Variants in AGBL4 observed in about 807,000 individuals in gnomAD.
AGBL4 encodes cytosolic carboxypeptidase 6.
A neutral mutation model predicts 66.4 loss-of-function variants in AGBL4; 58 were observed. The ratio of observed to expected loss-of-function variants is 0.87; its 90% CI spans 0.71 to 1.09. AGBL4 has a LOEUF of 1.09. AGBL4 is among the 50% of genes least tolerant of loss of function. The pLI, the probability that AGBL4 is intolerant of heterozygous loss-of-function variation, is 0.00. For missense variants in AGBL4, 579 were observed against 631.0 expected (o/e 0.92, Z 0.88); for synonymous variants, 234 against 222.9 (o/e 1.05, Z -0.44).
At chr1:48,582,221 C>A (rs762577925) in intron 11 of AGBL4, among the ~76,000 whole-genome samples, 3 of 150,936 alleles carry the variant, frequency 2.0e-5, no homozygotes, top group Non-Finnish European at 3.0e-5. Flanking sequence ...CTCTTATGTT[C>A]ATGGAATCAC....
intron 4 of AGBL4, among the ~76,000 whole-genome samples, chr1:49,230,043 G>C (rs1650192960): frequency 6.6e-6 from 1 of 152,310 alleles, no homozygotes; most frequent in Middle Eastern, 3.4e-3. Flanking sequence ...ACTGATACCA[G>C]GTAGAGCCTG....
In AGBL4 at chr1:49,295,237, C is replaced by T. The variant is rs534805291; in HGVS notation, c.283-49373G>A. ...TATAACAAAAAATGCTATGTACCCC[C>T]ACTCTCCAGGACCTCACAGTAGGTT... On this transcript the variant is annotated intron_variant, in intron 3 of 13. Transcript: ENST00000371839. 7.4e-4 allele frequency among the ~76,000 whole-genome samples: 113 copies of T among 152,262 alleles called. 3 individuals carry two copies. The South Asian group carries it at 0.023, about 31-fold the overall frequency.
chr1:49,482,794 A>G (rs1646984066), intron 3 of AGBL4, among the ~76,000 whole-genome samples: 1 of 152,016 alleles, frequency 6.6e-6, no homozygotes, highest in South Asian at 2.1e-4. Context: ...TGCCTGAGCT[A>G]TGTCCCAGAG....
intron 1 of AGBL4, among the ~76,000 whole-genome samples, chr1:49,935,718 G>A (rs769221884): frequency 6.6e-6 from 1 of 152,186 alleles, no homozygotes; most frequent in African/African-American, 2.4e-5. Flanking sequence ...CTGATACCCA[G>A]GCAAACAGGG....
chr1:49,525,597 A>G (rs1056820622), intron 3 of AGBL4, among the ~76,000 whole-genome samples: 14 of 152,080 alleles, frequency 9.2e-5, no homozygotes, highest in Non-Finnish European at 1.5e-5. Context: ...GGCAACAGGA[A>G]GGAAGCACAG....
chr1:50,011,238 AT>A, intron 1 of AGBL4, among the ~76,000 whole-genome samples: 1 of 152,332 alleles, frequency 6.6e-6, no homozygotes, highest in African/African-American at 2.4e-5. Context: ...TTGAATAGAT[AT>A]TTTTTAAAAG....
intron 2 of AGBL4, among the ~76,000 whole-genome samples, chr1:49,717,154 T>C (rs1288432472): frequency 6.6e-6 from 1 of 152,008 alleles, no homozygotes; most frequent in Non-Finnish European, 1.5e-5. Context: ...GAGAGCTAAA[T>C]CATGAGTTAA....
intron 6 of AGBL4, among the ~76,000 whole-genome samples, chr1:48,827,553 T>C (rs1320574272): frequency 1.3e-5 from 2 of 152,218 alleles, no homozygotes; most frequent in African/African-American, 4.8e-5. Flanking sequence ...TCAGATTGTC[T>C]GGCTCCATGT....
chr1:49,193,359 A>C (rs1647159704), intron 4 of AGBL4, among the ~76,000 whole-genome samples: 1 of 151,508 alleles, frequency 6.6e-6, no homozygotes, highest in Non-Finnish European at 1.5e-5. Context: ...TCTTATCACC[A>C]CTTTTGCTGT....
At position 48,776,907 on chromosome 1, in the gene AGBL4, G is replaced by A. The variant is rs1570645537; in HGVS notation, c.634+90284C>T. 9.7e-6 allele frequency: 9 copies of A among 926,436 alleles called. No individual in the cohort carries two copies. The East Asian group carries it at 3.0e-4, about 31-fold the overall frequency. The allele number at this position is 926,436 out of a possible 1,614,324, so 57.4% of individuals were successfully genotyped here. A position where few individuals can be genotyped will look rare whatever the true frequency, so the allele number is the denominator to read the frequency against. On this transcript the variant is annotated intron_variant, in intron 6 of 13. Transcript: ENST00000371839. ...GCGCGGAGGTGGGGATCCGGCGGGG[G>A]GCGCGAGTCTCGCTACGGTGCTGGG...
At chr1:49,892,237 T>C (rs746105550) in intron 1 of AGBL4, among the ~76,000 whole-genome samples, 27 of 152,224 alleles carry the variant, frequency 1.8e-4, no homozygotes, top group Admixed American at 7.9e-4. Context: ...ATTATCAATT[T>C]ATAAAATTGT....
At chr1:49,615,054 C>T (rs1052665618) in intron 3 of AGBL4, among the ~76,000 whole-genome samples, 1 of 152,100 alleles carries the variant, frequency 6.6e-6, no homozygotes, top group Non-Finnish European at 1.5e-5. Flanking sequence ...AGAGAAGCCA[C>T]CCAACACATC....
Position 48,736,339 on chromosome 1 carries a change from A to T in AGBL4, c.635-73098T>A. The T allele has an allele frequency of 5.0e-6, 8 of 1,614,026 alleles. No individual in the cohort carries two copies. Among genetic ancestry groups the T allele is most frequent in the Non-Finnish European group, 6.8e-6 (8 of 1,180,012 alleles). ...CTGTGACGCTTCTGTTTTTCAGAAC[A>T]TCTGTTCCCCAAATCATAACTGCCA... On this transcript the variant is annotated intron_variant, in intron 6 of 13. Coordinates refer to ENST00000371839, the MANE Select transcript of AGBL4 (RefSeq NM_032785.4). This position sits in a 1 kb window ranked among gnomAD's most constrained non-coding sequence, Gnocchi z 4.0.
intron 10 of AGBL4, 36 bp from the exon 11 acceptor site, chr1:48,587,202 C>T: frequency 1.3e-6 from 2 of 1,519,772 alleles, no homozygotes; most frequent in Non-Finnish European, 1.8e-6. Context: ...AGAATCACGG[C>T]ACCTGCTGCA....
chr1:49,131,052 C>A (rs571501533), intron 4 of AGBL4, among the ~76,000 whole-genome samples: 23 of 151,926 alleles, frequency 1.5e-4, no homozygotes, highest in Admixed American at 7.2e-4. Flanking sequence ...GCATATGTAT[C>A]GATGGAATGA....
intron 6 of AGBL4, among the ~76,000 whole-genome samples, chr1:48,780,944 A>G (rs1379695204): frequency 2.0e-5 from 3 of 152,236 alleles, no homozygotes. Flanking sequence ...TAATTAAACT[A>G]AAGAGCTTCT....
intron 1 of AGBL4, among the ~76,000 whole-genome samples, chr1:49,992,597 T>A (rs4313442): frequency 0.42 from 63,474 of 151,432 alleles, 15,778 homozygotes; most frequent in Non-Finnish European, 0.56. Context: ...TCCTGAACAT[T>A]CACTCCATCA....
chr1:49,182,544 T>A (rs1189212253), intron 4 of AGBL4, among the ~76,000 whole-genome samples: 2 of 152,240 alleles, frequency 1.3e-5, no homozygotes, highest in Admixed American at 6.5e-5. Context: ...TTGCCCTGGT[T>A]ACTTCAATTG....
chr1:49,333,679 T>C (rs775062547), intron 3 of AGBL4, among the ~76,000 whole-genome samples: 3 of 152,060 alleles, frequency 2.0e-5, no homozygotes, highest in Non-Finnish European at 4.4e-5. Context: ...GAAACAAGAA[T>C]TATGATTTAT....
Sources: gnomAD v4.1 joint callset for allele counts (sites outside exome capture counted in the v4.1 genomes callset) on GRCh38, gnomAD v4.1.1 for gene constraint, Gnocchi (gnomAD v3.1) non-coding constraint, MANE v1.5 for transcripts, NCBI Gene and HGNC (gene_info 2026-07-23, HGNC 2026-07-21) for gene names.